Variants in DPH6 observed in about 807,000 individuals in gnomAD.
DPH6 encodes diphthine--ammonia ligase.
Under a neutral mutation model 38.2 loss-of-function variants are expected in DPH6, and 33 were observed. The ratio of observed to expected loss-of-function variants is 0.86; its 90% CI spans 0.65 to 1.15. The LOEUF (loss-of-function observed/expected upper bound fraction) is 1.15, where lower values mean the gene tolerates loss of function less well. Among genes scored for constraint, DPH6 ranks in the 50% most tolerant of loss-of-function variants. The pLI, the probability that DPH6 is intolerant of heterozygous loss-of-function variation, is 0.00. For missense variants in DPH6, 325 were observed against 320.0 expected (o/e 1.02, Z -0.12); for synonymous variants, 108 against 103.0 (o/e 1.05, Z -0.30).
At chr15:35,360,272 TAC>T (rs2052602773) in intron 3 of DPH6, among the ~76,000 whole-genome samples, 1 of 152,066 alleles carries the variant, frequency 6.6e-6, no homozygotes, top group South Asian at 2.1e-4. Flanking sequence ...TGTAGTCAGG[TAC>T]ACAGTTGAAG....
chr15:35,526,476 G>A (rs936640247), intron 3 of DPH6, among the ~76,000 whole-genome samples: 1 of 152,246 alleles, frequency 6.6e-6, no homozygotes, highest in East Asian at 1.9e-4. Context: ...CTGTGTACGA[G>A]TACACAAAGT....
rs79550677 is a variant in DPH6 at position 35,298,121 on chromosome 15, T to G, written n.200+75400A>C. On this transcript the variant is annotated intron_variant and non_coding_transcript_variant, in intron 3 of 3. Transcript: ENST00000560386. ...TAAAAAAGGGATCAACCAACATATA[T>G]CTTACAAGTCCCTCCAAGAGTCTCA... The G allele has an allele frequency of 9.9e-3, 3,317 of 334,416 alleles. 104 individuals are homozygous for G. The highest frequency in any genetic ancestry group is 0.066 in the African/African-American group (3,066 of 46,428). 20.7% of individuals were successfully genotyped at this position (334,416 alleles called of 1,614,324 possible).
At chr15:35,455,698 G>T (rs1340948312) in intron 3 of DPH6, among the ~76,000 whole-genome samples, 1 of 152,082 alleles carries the variant, frequency 6.6e-6, no homozygotes, top group African/African-American at 2.4e-5. Context: ...CTGTTATCTA[G>T]AAAACAGATA....
At chr15:35,222,538 G>C (rs1326980418) in intron 3 of DPH6, among the ~76,000 whole-genome samples, 1 of 151,684 alleles carries the variant, frequency 6.6e-6, no homozygotes, top group Non-Finnish European at 1.5e-5. Flanking sequence ...ACAACTTGAA[G>C]GGGGGGGTTT....
At chr15:35,513,875 ATTATGTTAATAAGTAAC>A (rs1266725565) in intron 3 of DPH6, among the ~76,000 whole-genome samples, 3 of 152,038 alleles carry the variant, frequency 2.0e-5, no homozygotes, top group Non-Finnish European at 1.5e-5. Flanking sequence ...TATTTTAGCT[ATTATGTTAATAAGTAAC>A]TTATAACTTA....
chr15:35,368,144 C>T (rs2052676707), downstream of DPH6, among the ~76,000 whole-genome samples: 1 of 151,890 alleles, frequency 6.6e-6, no homozygotes, highest in South Asian at 2.1e-4. Context: ...AACAAATTGA[C>T]AGGGCAGTTC....
At chr15:35,388,738 CTTTA>C (rs2053008371) in intron 6 of DPH6, among the ~76,000 whole-genome samples, 1 of 152,108 alleles carries the variant, frequency 6.6e-6, no homozygotes, top group African/African-American at 2.4e-5. Flanking sequence ...CTCTTTTCTT[CTTTA>C]TTCATCTTGC....
intron 5 of DPH6, among the ~76,000 whole-genome samples, chr15:35,449,176 A>G (rs2053897577): frequency 6.6e-6 from 1 of 151,978 alleles, no homozygotes; most frequent in Non-Finnish European, 1.5e-5. Context: ...CTAAAGAATA[A>G]CTTTCATCTT....
chr15:35,517,218 A>G (rs980869296), intron 3 of DPH6, among the ~76,000 whole-genome samples: 17 of 152,136 alleles, frequency 1.1e-4, no homozygotes, highest in Admixed American at 8.5e-4. Flanking sequence ...TTAATTAAAA[A>G]AAGAAATGTA....
At chr15:35,176,285 T>C in the DPH6 span, among the ~76,000 whole-genome samples, 13 of 152,290 alleles carry the variant, frequency 8.5e-5, no homozygotes, top group African/African-American at 2.9e-4. Context: ...AAAATAACTA[T>C]CTCCAATTTA....
chr15:35,340,975 C>G (rs1225380155), intron 3 of DPH6, among the ~76,000 whole-genome samples: 1 of 152,116 alleles, frequency 6.6e-6, no homozygotes, highest in Non-Finnish European at 1.5e-5. Flanking sequence ...AGTATATTTT[C>G]CACCTTGGTT....
chr15:35,522,170 C>T (rs774497901), intron 3 of DPH6: 1 of 1,613,302 alleles, frequency 6.2e-7, no homozygotes, highest in Non-Finnish European at 8.5e-7. Flanking sequence ...GTGCACAGTT[C>T]ATTTGGAGTC....
intron 3 of DPH6, among the ~76,000 whole-genome samples, chr15:35,292,692 A>T (rs1158635434): frequency 2.0e-5 from 3 of 152,142 alleles, no homozygotes; most frequent in African/African-American, 7.2e-5. Flanking sequence ...ATATTTATTC[A>T]TTTGAACAAC....
intron 7 of DPH6, among the ~76,000 whole-genome samples, chr15:35,380,712 A>G (rs1029151719): frequency 2.0e-5 from 3 of 152,188 alleles, no homozygotes; most frequent in Non-Finnish European, 4.4e-5. Context: ...TTTTGGGATC[A>G]TCATGGGCAA....
chr15:35,238,263 C>A, intron 3 of DPH6: 2 of 452,782 alleles, frequency 4.4e-6, no homozygotes, highest in Non-Finnish European at 7.9e-6. Flanking sequence ...ACTATTTTTA[C>A]TGCCAAAAAA....
At chr15:35,181,913 CTT>C in the DPH6 span, 1 of 151,878 alleles carries the variant, frequency 6.6e-6, no homozygotes, top group Non-Finnish European at 1.5e-5. Flanking sequence ...TATAATATAC[CTT>C]TGTTTAATGA....
chr15:35,168,061 G>C, the DPH6 span, among the ~76,000 whole-genome samples: 1 of 151,944 alleles, frequency 6.6e-6, no homozygotes, highest in African/African-American at 2.4e-5. Context: ...AAGTATGTCT[G>C]AGACAAAAAA....
At chr15:35,285,144 T>G (rs932555001) in intron 3 of DPH6, among the ~76,000 whole-genome samples, 1 of 152,156 alleles carries the variant, frequency 6.6e-6, no homozygotes, top group South Asian at 2.1e-4. Flanking sequence ...ATTTGAGATA[T>G]CTCCCTGGTC....
chr15:35,542,502 C>T lies in DPH6; in HGVS notation c.29G>A (p.Gly10Glu). 6.5e-7 allele frequency: 1 copy of T among 1,547,734 alleles called. No individual in the cohort carries two copies. Among genetic ancestry groups the T allele is most frequent in the Non-Finnish European group, 8.9e-7 (1 of 1,129,916 alleles). The change falls in exon 2 of 9, where the codon GGG (glycine) becomes GAG (glutamate). Residue 10 changes from glycine (G) to glutamate (E), a missense_variant. Coordinates refer to ENST00000256538, the MANE Select transcript of DPH6 (RefSeq NM_080650.4). Reference protein sequence around the residue: MRVAALISGGKDSCYNMMQC... With the variant: MRVAALISGEKDSCYNMMQC... Reference sequence around the variant, plus strand: ...CATCATATTATAGCAGCTGTCCTTCCCACCACTAAACAATAAATCAAGAGA... The same window carrying T: ...CATCATATTATAGCAGCTGTCCTTCTCACCACTAAACAATAAATCAAGAGA...
Sources: allele counts gnomAD v4.1 joint callset (sites outside exome capture counted in the v4.1 genomes callset), GRCh38; gene constraint gnomAD v4.1.1; transcripts MANE v1.5; gene names NCBI Gene and HGNC (gene_info 2026-07-23, HGNC 2026-07-21).